The following RPA1 variants were observed in gnomAD, a reference collection of about 807,000 sequenced individuals.
RPA1 encodes the protein replication protein A 70 kDa DNA-binding subunit.
RPA1 carries 49 observed loss-of-function variants against 83.0 expected under a neutral mutation model. The observed-to-expected ratio is 0.59, with a 90% confidence interval of 0.47 to 0.75. The LOEUF is 0.75. Ranked by LOEUF, RPA1 falls within the 30% of genes least tolerant of loss-of-function variation. RPA1 has a pLI of 0.00. For synonymous variants in RPA1, 279 were observed against 281.8 expected (o/e 0.99, Z 0.10); for missense variants, 693 against 776.1 (o/e 0.89, Z 1.27).
At chr17:1,861,660 A>AT (rs1295951929) in intron 5 of RPA1, among the ~76,000 whole-genome samples, 3 of 150,990 alleles carry the variant, frequency 2.0e-5, no homozygotes, top group Non-Finnish European at 1.5e-5. Context: ...CTCTTCGTTA[A>AT]TTTTTTCAGT....
At chr17:1,840,224 C>T (rs1434281291) in intron 1 of RPA1, among the ~76,000 whole-genome samples, 1 of 152,112 alleles carries the variant, frequency 6.6e-6, no homozygotes, top group Non-Finnish European at 1.5e-5. Flanking sequence ...GCCTAGACCT[C>T]CTGGGCTCGA....
intron 4 of RPA1, among the ~76,000 whole-genome samples, chr17:1,849,146 G>A (rs747944728): frequency 1.3e-5 from 2 of 152,120 alleles, no homozygotes; most frequent in Non-Finnish European, 2.9e-5. Flanking sequence ...CCAACAGCGC[G>A]TGAGTGTGGA....
chr17:1,832,749 G>C (rs746651181), intron 1 of RPA1, among the ~76,000 whole-genome samples: 26 of 152,204 alleles, frequency 1.7e-4, no homozygotes, highest in Non-Finnish European at 3.2e-4. Flanking sequence ...TCTGTAAAAT[G>C]AGAGCAATGA....
intron 16 of RPA1, among the ~76,000 whole-genome samples, 176 bp downstream of exon 16, chr17:1,895,271 A>AG (rs1914362936): frequency 6.6e-6 from 1 of 150,698 alleles, no homozygotes; most frequent in African/African-American, 2.5e-5. Context: ...AAGGAGAGAG[A>AG]GCTTAAGTGT....
intron 15 of RPA1, among the ~76,000 whole-genome samples, chr17:1,892,811 AT>A (rs1401022504): frequency 1.3e-5 from 2 of 152,220 alleles, no homozygotes; most frequent in Non-Finnish European, 2.9e-5. Flanking sequence ...ATAAGTTTGC[AT>A]TTTCACATAT....
rs1914469395 is a variant in RPA1 at position 1,897,134 on chromosome 17, C to T, written c.1810C>T (p.Arg604Ter). Residue 604 changes from arginine to a stop codon, truncating the protein, a stop_gained, in exon 17 of 17, where the codon CGA (arginine) becomes TGA (stop). Transcript: ENST00000254719. LOFTEE classifies it high-confidence loss of function. ...GCCCGTGGACTACAGAGAGTATGGCCGAAGGCTGGTCATGAGCATCAGGAG... is the reference window on the plus strand; with the variant it reads ...GCCCGTGGACTACAGAGAGTATGGCTGAAGGCTGGTCATGAGCATCAGGAG... ...VKPVDYREYG[R>*]RLVMSIRRSA... is the part of the protein sequence containing the mutation. 2.6e-6 allele frequency: 4 copies of T among 1,567,188 alleles called. No homozygotes were observed. Among genetic ancestry groups the T allele is most frequent in the Admixed American group, 1.9e-5 (1 of 52,916 alleles).
chr17:1,895,659 G>GTATTTATT (rs1555596983), intron 16 of RPA1, among the ~76,000 whole-genome samples: 8,189 of 141,544 alleles, frequency 0.058, 291 homozygotes, highest in Non-Finnish European at 0.065. Context: ...ATACCATATA[G>GTATTTATT]TATTTATTTA....
At chr17:1,896,077 C>T (rs1739254378) in intron 16 of RPA1, among the ~76,000 whole-genome samples, 1 of 152,056 alleles carries the variant, frequency 6.6e-6, no homozygotes, top group African/African-American at 2.4e-5. Context: ...GCCTAGTAAC[C>T]CTATATGTAG....
intron 15 of RPA1, among the ~76,000 whole-genome samples, chr17:1,894,410 A>G (rs1432102377): frequency 2.6e-5 from 4 of 151,918 alleles, no homozygotes; most frequent in South Asian, 2.1e-4. Context: ...CAAGTGATCC[A>G]CCCGCTTCCG....
At chr17:1,848,830 C>G (rs1330775123) in intron 4 of RPA1, among the ~76,000 whole-genome samples, 1 of 152,036 alleles carries the variant, frequency 6.6e-6, no homozygotes, top group Non-Finnish European at 1.5e-5. Context: ...TCCCAAAGTC[C>G]TAGGATTACA....
intron 4 of RPA1, 38 bp downstream of exon 4, chr17:1,844,724 GA>G: frequency 6.8e-7 from 1 of 1,480,358 alleles, no homozygotes. Context: ...TTGTATCGTA[GA>G]ATGGGAACAA....
intron 1 of RPA1, among the ~76,000 whole-genome samples, chr17:1,834,716 G>T (rs1911747252): frequency 6.6e-6 from 1 of 152,198 alleles, no homozygotes; most frequent in South Asian, 2.1e-4. Flanking sequence ...AGATGCTTTA[G>T]TAGTCAGTAC....
At chr17:1,850,441 G>A (rs1469701960) in intron 4 of RPA1, among the ~76,000 whole-genome samples, 10 of 151,468 alleles carry the variant, frequency 6.6e-5, no homozygotes, top group Admixed American at 5.3e-4. Context: ...GGAGGCTGAG[G>A]CAAGAGAATC....
Position 1,898,212 on chromosome 17 carries a change from T to C in RPA1, c.*1037T>C, listed in dbSNP as rs1400091380. The C allele has an allele frequency of 1.3e-5, 2 of 152,226 alleles. No homozygotes were observed. Among genetic ancestry groups the C allele is most frequent in the African/African-American group, 4.8e-5 (2 of 41,452 alleles). 9.4% of individuals were successfully genotyped at this position (152,226 alleles called of 1,614,324 possible). A position where few individuals can be genotyped will look rare whatever the true frequency, so the allele number is the denominator to read the frequency against. Reference sequence around the variant, plus strand: ...AAGGCATGGAGATCCTTCTTCCTAGTGTTTGCAGCCCTGAAATGCATCTTT... The same window carrying C: ...AAGGCATGGAGATCCTTCTTCCTAGCGTTTGCAGCCCTGAAATGCATCTTT... On this transcript the variant is annotated 3_prime_UTR_variant, in exon 17 of 17. Coordinates refer to ENST00000254719, the MANE Select transcript of RPA1 (RefSeq NM_002945.5).
At position 1,894,865 on chromosome 17, in the gene RPA1, T is replaced by A. The variant is rs1049799830; in HGVS notation, c.1660-144T>A. 1.5e-5 allele frequency: 9 copies of A among 600,952 alleles called. No individual in the cohort carries two copies. In the Admixed American group the frequency reaches 1.7e-4, roughly 11 times the overall value. The allele number at this position is 600,952 out of a possible 1,614,324, so 37.2% of individuals were successfully genotyped here. On this transcript the variant is annotated intron_variant, in intron 15 of 16. Transcript: ENST00000254719. Reference sequence around the variant, plus strand: ...AGATTCTACTTAAAACAGTTTCATGTAATGTTACCTGTAGATGAGTCATTC... The same window carrying A: ...AGATTCTACTTAAAACAGTTTCATGAAATGTTACCTGTAGATGAGTCATTC...
intron 14 of RPA1, among the ~76,000 whole-genome samples, chr17:1,889,282 T>C (rs1161406158): frequency 6.6e-6 from 1 of 152,098 alleles, no homozygotes; most frequent in East Asian, 1.9e-4. Context: ...AAGAATTGTT[T>C]CTTTCTGTTT....
In RPA1 at chr17:1,830,266, G is replaced by T. The variant is rs914241794; in HGVS notation, c.33+140G>T. The T allele has an allele frequency of 6.0e-5, 33 of 547,632 alleles. 2 individuals are homozygous for T. The Middle Eastern group carries it at 5.3e-3, about 88-fold the overall frequency. The allele number at this position is 547,632 out of a possible 1,614,324, so 33.9% of individuals were successfully genotyped here. A position where few individuals can be genotyped will look rare whatever the true frequency, so the allele number is the denominator to read the frequency against. Reference sequence around the variant, plus strand: ...AGATGGCGGGGGGCGGTGGGGACCCGCCGGGCGTCCCTCTAGTGTCATCGC... The same window carrying T: ...AGATGGCGGGGGGCGGTGGGGACCCTCCGGGCGTCCCTCTAGTGTCATCGC... On this transcript the variant is annotated intron_variant, in intron 1 of 16. Coordinates refer to ENST00000254719, the MANE Select transcript of RPA1 (RefSeq NM_002945.5).
chr17:1,858,302 A>G (rs1471060082), intron 5 of RPA1: 1 of 1,610,444 alleles, frequency 6.2e-7, no homozygotes, highest in Non-Finnish European at 8.5e-7. Context: ...CCAAAAAGAG[A>G]GACCCCTGCA....
At chr17:1,847,985 C>A (rs925843971) in intron 4 of RPA1, among the ~76,000 whole-genome samples, 1 of 150,392 alleles carries the variant, frequency 6.6e-6, no homozygotes, top group Non-Finnish European at 1.5e-5. Context: ...ACTCCAGCCT[C>A]GGTTACAGAG....
Sources: allele counts gnomAD v4.1 joint callset (sites outside exome capture counted in the v4.1 genomes callset), GRCh38; gene constraint gnomAD v4.1.1; transcripts MANE v1.5; gene names NCBI Gene and HGNC (gene_info 2026-07-23, HGNC 2026-07-21).